Variants in TANC2 observed in about 807,000 individuals in gnomAD.
TANC2 encodes protein TANC2.
A neutral mutation model predicts 210.5 loss-of-function variants in TANC2; 26 were observed. That is an observed-to-expected ratio of 0.12 (90% CI 0.09 to 0.17). The LOEUF (loss-of-function observed/expected upper bound fraction) is 0.17. Among genes scored for constraint, TANC2 ranks in the 10% least tolerant of loss-of-function variants. The probability of loss-of-function intolerance (pLI) is 1.00; values close to 1 mark genes in which losing one functional copy is unlikely to be tolerated. For missense variants in TANC2, 2,129 were observed against 2,608.9 expected (o/e 0.82, Z 4.01); for synonymous variants, 931 against 967.1 (o/e 0.96, Z 0.69).
chr17:63,082,017 A>T (rs1303787375), intron 3 of TANC2, among the ~76,000 whole-genome samples: 1 of 151,946 alleles, frequency 6.6e-6, no homozygotes, highest in African/African-American at 2.4e-5. Context: ...TACAAAAAAA[A>T]AAAGTTAGCT....
At position 62,973,090 on chromosome 17, in the gene TANC2, G is replaced by A. The variant is rs1230813598; in HGVS notation, c.-24+6341G>A. On this transcript the variant is annotated intron_variant, in intron 1 of 27. Coordinates refer to ENST00000689528, the Ensembl canonical transcript of TANC2. Reference sequence around the variant, plus strand: ...GTTGCCTAGGCTAGAGTGTAATGGCGGCCATCTTGACTCACTGCAACTTCT... The same window carrying A: ...GTTGCCTAGGCTAGAGTGTAATGGCAGCCATCTTGACTCACTGCAACTTCT... 2.0e-5 allele frequency among the ~76,000 whole-genome samples: 3 copies of A among 151,158 alleles called. No individual in the cohort carries two copies. The South Asian group carries it at 6.3e-4, about 32-fold the overall frequency.
At chr17:63,379,415 C>G (rs183301462) in intron 14 of TANC2, among the ~76,000 whole-genome samples, 38 of 152,310 alleles carry the variant, frequency 2.5e-4, no homozygotes, top group Admixed American at 2.5e-3. Flanking sequence ...CTGGACGCAG[C>G]AGCTCATGCC....
intron 7 of TANC2, among the ~76,000 whole-genome samples, chr17:63,218,418 AG>A (rs1169421014): frequency 6.6e-6 from 1 of 152,196 alleles, no homozygotes; most frequent in Non-Finnish European, 1.5e-5. Flanking sequence ...TGAACAAGAC[AG>A]ATTTCTACAC....
chr17:63,220,829 T>C (rs2042165640), intron 7 of TANC2, among the ~76,000 whole-genome samples: 1 of 149,200 alleles, frequency 6.7e-6, no homozygotes, highest in African/African-American at 2.4e-5. Context: ...TACGTGTATA[T>C]GTATATATGT....
At position 63,046,401 on chromosome 17, in the gene TANC2, C is replaced by G. The variant is rs191956878; in HGVS notation, c.68-27542C>G. 1.7e-4 allele frequency among the ~76,000 whole-genome samples: 23 copies of G among 135,012 alleles called. No individual in the cohort carries two copies. The East Asian group carries it at 2.4e-3, about 14-fold the overall frequency. The allele number at this position is 135,012 out of a possible 152,430, so 88.6% of individuals were successfully genotyped here. A position where few individuals can be genotyped will look rare whatever the true frequency, so the allele number is the denominator to read the frequency against. On this transcript the variant is annotated intron_variant, in intron 2 of 27. Transcript: ENST00000689528. ...AGGCTGGAGTGCAGTGGCGCCATCTCGGTCACTGCATCCTCCACCTCCCGG... is the reference window on the plus strand; with the variant it reads ...AGGCTGGAGTGCAGTGGCGCCATCTGGGTCACTGCATCCTCCACCTCCCGG...
chr17:63,255,437 C>G (rs1255815493), intron 8 of TANC2, among the ~76,000 whole-genome samples: 2 of 152,060 alleles, frequency 1.3e-5, no homozygotes, highest in Admixed American at 1.3e-4. Flanking sequence ...AGCGGTGATG[C>G]CATTGGATCC....
At chr17:63,304,441 G>A (rs1013844121) in intron 9 of TANC2, among the ~76,000 whole-genome samples, 2 of 152,204 alleles carry the variant, frequency 1.3e-5, no homozygotes, top group Admixed American at 1.3e-4. Flanking sequence ...GAGCAGCAAA[G>A]ATGGGTGCTT....
chr17:63,338,831 T>C (rs904234168), intron 11 of TANC2: 1 of 152,238 alleles, frequency 6.6e-6, no homozygotes, highest in African/African-American at 2.4e-5. Context: ...TTTTTATGTT[T>C]AATGAGAAGG....
chr17:62,988,469 T>G (rs1404046991), intron 1 of TANC2, among the ~76,000 whole-genome samples: 1 of 152,096 alleles, frequency 6.6e-6, no homozygotes, highest in Non-Finnish European at 1.5e-5. Flanking sequence ...ATTACGTTTT[T>G]TGTAGGTTTT....
chr17:63,192,784 A>T (rs928894538), intron 5 of TANC2, among the ~76,000 whole-genome samples: 72 of 152,360 alleles, frequency 4.7e-4, no homozygotes, highest in African/African-American at 1.7e-3. Flanking sequence ...TACACTAGTG[A>T]CTTGTACATC....
chr17:62,988,934 G>C (rs2032714465), intron 1 of TANC2, among the ~76,000 whole-genome samples: 1 of 152,170 alleles, frequency 6.6e-6, no homozygotes, highest in Non-Finnish European at 1.5e-5. Flanking sequence ...CAAAGATTTT[G>C]TATAAAGTTC....
chr17:63,070,828 G>A (rs1375905005), intron 2 of TANC2, among the ~76,000 whole-genome samples: 1 of 152,086 alleles, frequency 6.6e-6, no homozygotes, highest in African/African-American at 2.4e-5. Context: ...ACTATAAGGG[G>A]TATCTTTTTA....
intron 1 of TANC2, among the ~76,000 whole-genome samples, chr17:62,989,922 C>T (rs984977294): frequency 6.6e-5 from 10 of 151,730 alleles, no homozygotes; most frequent in South Asian, 2.1e-4. Flanking sequence ...AGGTGCGCAC[C>T]GCCACACCTG....
chr17:63,155,273 A>T (rs2039797256), intron 5 of TANC2: 2 of 152,100 alleles, frequency 1.3e-5, no homozygotes, highest in African/African-American at 2.4e-5. Context: ...GATTAAGTGA[A>T]ATATAATGTA....
intron 9 of TANC2, among the ~76,000 whole-genome samples, chr17:63,302,875 T>TG (rs1272641796): frequency 4.6e-5 from 7 of 152,014 alleles, no homozygotes; most frequent in South Asian, 2.1e-4. Context: ...GGGATCCTCC[T>TG]GCCTCAGCCC....
intron 5 of TANC2, among the ~76,000 whole-genome samples, chr17:63,186,928 C>T (rs1301530241): frequency 6.6e-6 from 1 of 152,162 alleles, no homozygotes. Flanking sequence ...GTTTCTCATA[C>T]CTCAAAGTTG....
chr17:62,968,250 G>A (rs929891213), intron 1 of TANC2, among the ~76,000 whole-genome samples: 11 of 152,116 alleles, frequency 7.2e-5, no homozygotes, highest in Non-Finnish European at 1.2e-4. Flanking sequence ...AAATGTGTTC[G>A]TTAGAATGTA....
intron 8 of TANC2, among the ~76,000 whole-genome samples, chr17:63,260,606 G>A (rs1436542257): frequency 6.6e-6 from 1 of 151,726 alleles, no homozygotes; most frequent in African/African-American, 2.4e-5. Context: ...GCAACACAGC[G>A]AAACCCTGTC....
chr17:63,098,188 A>G (rs2037460439), intron 3 of TANC2, among the ~76,000 whole-genome samples: 2 of 152,212 alleles, frequency 1.3e-5, no homozygotes, highest in East Asian at 3.9e-4. Flanking sequence ...TATATAAATA[A>G]TTTGAGACCT....
Sources: allele counts gnomAD v4.1 joint callset (sites outside exome capture counted in the v4.1 genomes callset), GRCh38; gene constraint gnomAD v4.1.1; transcripts MANE v1.5; gene names NCBI Gene and HGNC (gene_info 2026-07-23, HGNC 2026-07-21).